Variants in PCDHGA7 observed in about 807,000 individuals in gnomAD.
PCDHGA7 encodes the protein protocadherin gamma-A7.
PCDHGA7 carries 44 observed loss-of-function variants against 58.3 expected under a neutral mutation model. The observed-to-expected ratio is 0.75, with a 90% CI of 0.59 to 0.97. The LOEUF (loss-of-function observed/expected upper bound fraction) is 0.97. Ranked by LOEUF, PCDHGA7 falls within the 50% of genes least tolerant of loss-of-function variation. The pLI, the probability that PCDHGA7 is intolerant of heterozygous loss-of-function variation, is 0.00. For missense variants in PCDHGA7, 1,266 were observed against 1,188.7 expected (o/e 1.06, Z -0.96); for synonymous variants, 516 against 504.2 (o/e 1.02, Z -0.31).
chr5:141,428,156 C>G, intron 1 of PCDHGA7: 2 of 1,579,884 alleles, frequency 1.3e-6, no homozygotes, highest in Non-Finnish European at 1.7e-6. Flanking sequence ...CGGGAACCTG[C>G]TGGTTGCTGT....
At chr5:141,416,947 T>G (rs1436457377) in intron 1 of PCDHGA7, 1 of 152,184 alleles carries the variant, frequency 6.6e-6, no homozygotes, top group Non-Finnish European at 1.5e-5. Flanking sequence ...CCATTGAAAC[T>G]ATTATTTTAT....
chr5:141,485,895 C>G lies in PCDHGA7; in HGVS notation c.2425-8912C>G, dbSNP rs1243568042. On this transcript the variant is annotated intron_variant, in intron 1 of 3. Coordinates refer to ENST00000518325, the MANE Select transcript of PCDHGA7 (RefSeq NM_018920.4). This position sits in a 1 kb window ranked among gnomAD's most constrained non-coding sequence, Gnocchi z 5.7. Reference sequence around the variant, plus strand: ...CTGGACGTAAACGACAACGCCCCAGCCTTCCAGCAATCCAGCTACAGGATT... The same window carrying G: ...CTGGACGTAAACGACAACGCCCCAGGCTTCCAGCAATCCAGCTACAGGATT... 3 of 1,614,136 alleles carry G rather than the reference C, an allele frequency of 1.9e-6. No individual in the cohort carries two copies. The highest frequency in any genetic ancestry group is 2.5e-6 in the Non-Finnish European group (3 of 1,180,036).
At chr5:141,504,113 C>A (rs568207803) in intron 2 of PCDHGA7, among the ~76,000 whole-genome samples, 1 of 152,220 alleles carries the variant, frequency 6.6e-6, no homozygotes, top group Non-Finnish European at 1.5e-5. Flanking sequence ...TGTGTGTGTG[C>A]CAGGGCTGTT....
At chr5:141,395,558 G>T (rs60237573) in intron 1 of PCDHGA7, 12 of 127,934 alleles carry the variant, frequency 9.4e-5, no homozygotes, top group African/African-American at 5.1e-4. Context: ...GTGTGTGTGT[G>T]TGTGTGTGTG....
chr5:141,457,504 A>G (rs2098922754), intron 1 of PCDHGA7, among the ~76,000 whole-genome samples: 1 of 152,222 alleles, frequency 6.6e-6, no homozygotes, highest in Non-Finnish European at 1.5e-5. Context: ...GTAGGCAAAA[A>G]GCTTAAAAAC....
At chr5:141,409,331 G>A (rs1447189643) in intron 1 of PCDHGA7, 1 of 1,613,818 alleles carries the variant, frequency 6.2e-7, no homozygotes, top group African/African-American at 1.3e-5. Context: ...TCTGGATTTC[G>A]GAGGAAATGG....
At position 141,408,870 on chromosome 5, in the gene PCDHGA7, G is replaced by C. The variant is rs780987841; in HGVS notation, c.2424+23547G>C. ...TTGGACGGAGGGGACCCACCAAGAAGTGCCACCGCTCACATAGAAATTTCT... is the reference window on the plus strand; with the variant it reads ...TTGGACGGAGGGGACCCACCAAGAACTGCCACCGCTCACATAGAAATTTCT... On this transcript the variant is annotated intron_variant, in intron 1 of 3. Coordinates refer to ENST00000518325, the MANE Select transcript of PCDHGA7 (RefSeq NM_018920.4). The C allele has an allele frequency of 1.2e-6, 2 of 1,613,656 alleles. No homozygotes were observed. Among genetic ancestry groups the C allele is most frequent in the South Asian group, 1.1e-5 (1 of 91,026 alleles).
rs1364415249 is a variant in PCDHGA7 at position 141,489,240 on chromosome 5, C to A, written c.2425-5567C>A. The stretch of plus-strand genomic sequence containing the variant: ...ACTCTCCACAAAGGGACTTCTGGGT[C>A]ATGGGGCCCAAGACACTCCCACAGC... On this transcript the variant is annotated intron_variant, in intron 1 of 3. Coordinates refer to ENST00000518325, the MANE Select transcript of PCDHGA7 (RefSeq NM_018920.4). The surrounding 1 kb of genome is among the most constrained non-coding windows in gnomAD (Gnocchi z 4.5). 1 of 1,534,136 alleles carries A rather than the reference C, an allele frequency of 6.5e-7. No individual in the cohort carries two copies. Among genetic ancestry groups the A allele is most frequent in the South Asian group, 1.3e-5 (1 of 76,896 alleles).
At position 141,490,181 on chromosome 5, in the gene PCDHGA7, G is replaced by A. The variant is rs755899660; in HGVS notation, c.2425-4626G>A. ...GGTCCCATAGACTTTGAGGAGTCACGTTTCTATGAAATTCATGCAAGAGCC... is the reference window on the plus strand; with the variant it reads ...GGTCCCATAGACTTTGAGGAGTCACATTTCTATGAAATTCATGCAAGAGCC... On this transcript the variant is annotated intron_variant, in intron 1 of 3. Coordinates refer to ENST00000518325, the MANE Select transcript of PCDHGA7 (RefSeq NM_018920.4). This position sits in a 1 kb window ranked among gnomAD's most constrained non-coding sequence, Gnocchi z 5.4. The A allele has an allele frequency of 9.9e-6, 16 of 1,614,200 alleles. No homozygotes were observed. Among genetic ancestry groups the A allele is most frequent in the Middle Eastern group, 1.6e-4 (1 of 6,062 alleles).
intron 1 of PCDHGA7, among the ~76,000 whole-genome samples, chr5:141,481,049 C>A (rs1165894624): frequency 1.3e-5 from 2 of 152,096 alleles, no homozygotes; most frequent in Non-Finnish European, 2.9e-5. Context: ...CAGAGCGAGA[C>A]TCCACCTCAA....
At chr5:141,395,216 G>T in intron 1 of PCDHGA7, 1 of 1,612,150 alleles carries the variant, frequency 6.2e-7, no homozygotes, top group Non-Finnish European at 8.5e-7. Context: ...ATGAATATAA[G>T]AATGAAGCTG....
chr5:141,455,104 G>A (rs2098813087), intron 1 of PCDHGA7, among the ~76,000 whole-genome samples: 1 of 151,888 alleles, frequency 6.6e-6, no homozygotes, highest in East Asian at 1.9e-4. Flanking sequence ...GAGCCACTGC[G>A]CCCGGTGGGT....
intron 1 of PCDHGA7, chr5:141,389,837 AC>A (rs2091936174): frequency 6.2e-7 from 1 of 1,613,842 alleles, no homozygotes. Flanking sequence ...GACAGCCACC[AC>A]TCTCGGCCAC....
intron 1 of PCDHGA7, chr5:141,409,189 C>T (rs1216028242): frequency 6.2e-7 from 1 of 1,613,918 alleles, no homozygotes; most frequent in Admixed American, 1.7e-5. Flanking sequence ...GTCTCTCTAC[C>T]CAGTGTAAAG....
intron 1 of PCDHGA7, chr5:141,427,790 C>A: frequency 1.3e-6 from 2 of 1,482,222 alleles, no homozygotes; most frequent in Non-Finnish European, 1.9e-6. Context: ...TGTCGTCCTA[C>A]GTGTCCGTGA....
At position 141,491,798 on chromosome 5, in the gene PCDHGA7, G is replaced by A. The variant is rs1269524283; in HGVS notation, c.2425-3009G>A. 1 of 1,506,648 alleles carries A rather than the reference G, an allele frequency of 6.6e-7. No homozygotes were observed. The highest frequency in any genetic ancestry group is 8.9e-7 in the Non-Finnish European group (1 of 1,128,050). The allele number at this position is 1,506,648 out of a possible 1,614,324, so 93.3% of individuals were successfully genotyped here. ...TTGAACTTGCATCCACTCCTCTCCG[G>A]CCGGCTTGGTCGCTGGCTGCGCTCC... On this transcript the variant is annotated intron_variant, in intron 1 of 3. Coordinates refer to ENST00000518325, the MANE Select transcript of PCDHGA7 (RefSeq NM_018920.4). This position sits in a 1 kb window ranked among gnomAD's most constrained non-coding sequence, Gnocchi z 6.9.
intron 1 of PCDHGA7, chr5:141,421,333 G>A (rs1458277535): frequency 2.5e-6 from 4 of 1,613,850 alleles, no homozygotes; most frequent in Admixed American, 1.7e-5. Flanking sequence ...CCGATATTCG[G>A]TGCCAGAAGA....
At chr5:141,418,050 G>T in intron 1 of PCDHGA7, 1 of 1,613,576 alleles carries the variant, frequency 6.2e-7, no homozygotes, top group Non-Finnish European at 8.5e-7. Context: ...GTGTCGGCTC[G>T]CGAGCTGCGA....
Position 141,421,488 on chromosome 5 carries a change from G to A in PCDHGA7, c.2424+36165G>A. On this transcript the variant is annotated intron_variant, in intron 1 of 3. Transcript: ENST00000518325. ...ATCCGCGAAGCGGCAGCTTGATCAC[G>A]GCAGGCAGGATAGACCGGGAGGAGC... The A allele has an allele frequency of 1.9e-6, 3 of 1,614,100 alleles. No homozygotes were observed. In the South Asian group the frequency reaches 3.3e-5, roughly 18 times the overall value.
Sources: gnomAD v4.1 joint callset for allele counts (sites outside exome capture counted in the v4.1 genomes callset) on GRCh38, gnomAD v4.1.1 for gene constraint, Gnocchi (gnomAD v3.1) non-coding constraint, MANE v1.5 for transcripts, NCBI Gene and HGNC (gene_info 2026-07-23, HGNC 2026-07-21) for gene names.